Variants in RNF13 observed in about 807,000 individuals in gnomAD.
RNF13 encodes the protein E3 ubiquitin-protein ligase RNF13.
RNF13 carries 19 observed loss-of-function variants against 37.7 expected under a neutral mutation model. The ratio of observed to expected loss-of-function variants is 0.50; its 90% CI spans 0.35 to 0.74. The LOEUF (loss-of-function observed/expected upper bound fraction) is 0.74. Ranked by LOEUF, RNF13 falls within the 30% of genes least tolerant of loss-of-function variation. The pLI, the probability that RNF13 is intolerant of heterozygous loss-of-function variation, is 0.01. For synonymous variants in RNF13, 144 were observed against 157.8 expected (o/e 0.91, Z 0.65); for missense variants, 375 against 453.0 (o/e 0.83, Z 1.56).
At chr3:149,950,503 C>T (rs1053453868) in intron 8 of RNF13, among the ~76,000 whole-genome samples, 9 of 152,140 alleles carry the variant, frequency 5.9e-5, no homozygotes, top group Non-Finnish European at 1.0e-4. Flanking sequence ...GAGCGAAGCT[C>T]TCACTCTGGT....
intron 4 of RNF13, among the ~76,000 whole-genome samples, chr3:149,878,059 A>G (rs1162101364): frequency 6.6e-6 from 1 of 152,198 alleles, no homozygotes; most frequent in East Asian, 1.9e-4. Context: ...ATTAATTTAC[A>G]TGTGCTTTAT....
chr3:149,961,926 T>C lies in RNF13; in HGVS notation c.*822T>C, dbSNP rs948676133. On this transcript the variant is annotated 3_prime_UTR_variant, in exon 10 of 10. Coordinates refer to ENST00000392894, the MANE Select transcript of RNF13 (RefSeq NM_183381.3). ...GCTAAACTATGTACAGAGGAAACTG[T>C]TCAAGTATTGGATTTGAAAGTAAGT... The C allele has an allele frequency of 3.3e-5, 5 of 152,674 alleles. No homozygotes were observed. Among genetic ancestry groups the C allele is most frequent in the African/African-American group, 1.2e-4 (5 of 41,466 alleles). The allele number at this position is 152,674 out of a possible 1,614,324, so 9.5% of individuals were successfully genotyped here.
At chr3:149,838,190 C>T (rs183834417) in intron 1 of RNF13, among the ~76,000 whole-genome samples, 119 of 152,354 alleles carry the variant, frequency 7.8e-4, no homozygotes, top group Admixed American at 7.6e-3. Flanking sequence ...AGTGTACAGC[C>T]TTCCTCTTGG....
intron 8 of RNF13, among the ~76,000 whole-genome samples, chr3:149,951,119 G>C (rs947328870): frequency 8.5e-5 from 13 of 152,118 alleles, no homozygotes; most frequent in African/African-American, 3.1e-4. Context: ...GGGTCCCCTG[G>C]AAGTGTTTTA....
At chr3:149,892,513 G>A (rs568020375) in intron 4 of RNF13, among the ~76,000 whole-genome samples, 1 of 152,262 alleles carries the variant, frequency 6.6e-6, no homozygotes, top group African/African-American at 2.4e-5. Context: ...GATAGTACAG[G>A]GGTCCCCAAG....
At chr3:149,901,743 A>C (rs541747294) in intron 5 of RNF13, among the ~76,000 whole-genome samples, 1 of 152,148 alleles carries the variant, frequency 6.6e-6, no homozygotes, top group Non-Finnish European at 1.5e-5. Flanking sequence ...GAAAACCTAA[A>C]ATTTCTTCAT....
intron 8 of RNF13, among the ~76,000 whole-genome samples, chr3:149,940,083 T>A (rs1720103428): frequency 6.6e-6 from 1 of 152,216 alleles, no homozygotes; most frequent in Non-Finnish European, 1.5e-5. Flanking sequence ...CCCCTGTTTC[T>A]GTTTTTCTCT....
chr3:149,904,895 T>G (rs1716234541), intron 6 of RNF13, among the ~76,000 whole-genome samples: 1 of 152,214 alleles, frequency 6.6e-6, no homozygotes, highest in Admixed American at 6.5e-5. Flanking sequence ...ATCCTGCTTT[T>G]GACTTGATTG....
intron 7 of RNF13, among the ~76,000 whole-genome samples, chr3:149,919,674 C>T (rs1452481089): frequency 6.6e-6 from 1 of 152,106 alleles, no homozygotes; most frequent in Non-Finnish European, 1.5e-5. Flanking sequence ...TGGGTTGTTT[C>T]TAGTTTTTGG....
chr3:149,883,853 T>C (rs902481027), intron 4 of RNF13, among the ~76,000 whole-genome samples: 1 of 152,094 alleles, frequency 6.6e-6, no homozygotes, highest in African/African-American at 2.4e-5. Flanking sequence ...ATGCTCTCTC[T>C]CCCCCGACCC....
At chr3:149,933,653 G>C (rs1320010375) in intron 8 of RNF13, among the ~76,000 whole-genome samples, 4 of 146,634 alleles carry the variant, frequency 2.7e-5, no homozygotes, top group Admixed American at 1.4e-4. Context: ...GTGTGATCTC[G>C]GCTCACTGTA....
intron 8 of RNF13, among the ~76,000 whole-genome samples, chr3:149,944,224 A>T (rs1005652709): frequency 3.3e-5 from 5 of 152,170 alleles, no homozygotes; most frequent in South Asian, 2.1e-4. Context: ...TCATTGATGG[A>T]CATTTGGGTT....
chr3:149,875,308 A>G (rs1346650419), intron 4 of RNF13, among the ~76,000 whole-genome samples: 2 of 152,292 alleles, frequency 1.3e-5, no homozygotes, highest in East Asian at 3.9e-4. Context: ...GTAGACCACA[A>G]AGAGAAAAGA....
chr3:149,927,754 G>T (rs114631310), intron 8 of RNF13, among the ~76,000 whole-genome samples: 1,735 of 152,084 alleles, frequency 0.011, 33 homozygotes, highest in African/African-American at 0.04. Flanking sequence ...TGTCCACTTG[G>T]ATATTTCCTT....
intron 4 of RNF13, among the ~76,000 whole-genome samples, chr3:149,886,392 G>T (rs936989132): frequency 6.6e-6 from 1 of 151,758 alleles, no homozygotes; most frequent in African/African-American, 2.4e-5. Flanking sequence ...TTTTATTTTG[G>T]ATTGTTCATT....
chr3:149,868,018 A>G (rs892476345), intron 3 of RNF13, among the ~76,000 whole-genome samples: 3 of 151,932 alleles, frequency 2.0e-5, no homozygotes, highest in East Asian at 1.9e-4. Flanking sequence ...TTTAAGTGAC[A>G]TAGAAAAGAA....
intron 3 of RNF13, among the ~76,000 whole-genome samples, chr3:149,860,268 A>ATAT (rs1331068088): frequency 1.9e-4 from 17 of 91,690 alleles, no homozygotes; most frequent in African/African-American, 2.4e-4. Context: ...AAAAAAAAAA[A>ATAT]AAATATATAT....
intron 9 of RNF13, 43 bp downstream of exon 9, chr3:149,960,179 T>C: frequency 7.7e-7 from 1 of 1,305,440 alleles, no homozygotes; most frequent in Non-Finnish European, 1.1e-6. Context: ...ATATAGTAAT[T>C]TATATTTAGG....
chr3:149,916,601 C>T (rs1362694415), intron 7 of RNF13, among the ~76,000 whole-genome samples: 1 of 151,942 alleles, frequency 6.6e-6, no homozygotes, highest in Non-Finnish European at 1.5e-5. Context: ...CATTTTCTTT[C>T]TTCTACCTTG....
Sources: allele counts gnomAD v4.1 joint callset (sites outside exome capture counted in the v4.1 genomes callset), GRCh38; gene constraint gnomAD v4.1.1; transcripts MANE v1.5; gene names NCBI Gene and HGNC (gene_info 2026-07-23, HGNC 2026-07-21).